The following PKD2 variants were observed in gnomAD, a reference collection of about 807,000 sequenced individuals.
The protein encoded by PKD2 is polycystin 2, transient receptor potential cation channel.
In PKD2, 48 loss-of-function variants were observed where a neutral mutation model predicts 105.9. That is an observed-to-expected ratio of 0.45 (90% confidence interval 0.36 to 0.58). The LOEUF is 0.58. Ranked by LOEUF, PKD2 falls within the 20% of genes least tolerant of loss-of-function variation. The probability of loss-of-function intolerance (pLI) is 0.00; values close to 1 mark genes in which losing one functional copy is unlikely to be tolerated. For missense variants in PKD2, 1,078 were observed against 1,255.3 expected (o/e 0.86, Z 2.13); for synonymous variants, 464 against 481.1 (o/e 0.96, Z 0.46).
chr4:88,007,752 G>T lies in PKD2; in HGVS notation c.19G>T (p.Val7Leu). 1 of 1,203,234 alleles carries T rather than the reference G, an allele frequency of 8.3e-7. No homozygotes were observed. Among genetic ancestry groups the T allele is most frequent in the Non-Finnish European group, 1.0e-6 (1 of 957,770 alleles). The allele number at this position is 1,203,234 out of a possible 1,614,324, so 74.5% of individuals were successfully genotyped here. A position where few individuals can be genotyped will look rare whatever the true frequency, so the allele number is the denominator to read the frequency against. The stretch of plus-strand genomic sequence containing the variant: ...GACCGCGATGGTGAACTCCAGTCGC[G>T]TGCAGCCTCAGCAGCCCGGGGACGC... MVNSSR[V>L]QPQQPGDAKR... The change falls in exon 1 of 15, where the codon GTG (valine) becomes TTG (leucine). Residue 7 changes from valine to leucine, a missense_variant. Around this residue, in one of 2 missense-constraint regions of PKD2, gnomAD observed 210 missense variants for 187.9 expected, o/e 1.12. Coordinates refer to ENST00000237596, the MANE Select transcript of PKD2 (RefSeq NM_000297.4).
intron 9 of PKD2, among the ~76,000 whole-genome samples, chr4:88,061,163 G>A (rs548439153): frequency 2.1e-4 from 32 of 152,240 alleles, no homozygotes; most frequent in African/African-American, 7.5e-4. Context: ...CTTGGAATAA[G>A]CATACAATTC....
chr4:88,034,969 G>A (rs1322988587), intron 2 of PKD2, among the ~76,000 whole-genome samples: 1 of 152,116 alleles, frequency 6.6e-6, no homozygotes. Flanking sequence ...TATAATAAAT[G>A]CATTATAGCA....
At chr4:88,032,042 C>G (rs1727177894) in intron 2 of PKD2, among the ~76,000 whole-genome samples, 1 of 152,066 alleles carries the variant, frequency 6.6e-6, no homozygotes, top group African/African-American at 2.4e-5. Flanking sequence ...TATTTTTTAA[C>G]CAAGATTTAA....
chr4:88,028,492 C>T (rs1160988645), intron 2 of PKD2, among the ~76,000 whole-genome samples: 1 of 152,204 alleles, frequency 6.6e-6, no homozygotes, highest in Non-Finnish European at 1.5e-5. Context: ...GCTCCTCGCC[C>T]TTTCTGATAA....
Position 88,008,252 on chromosome 4 carries a change from G to A in PKD2, c.519G>A (p.Pro173=), listed in dbSNP as rs762929169. 4.1e-5 allele frequency: 60 copies of A among 1,461,088 alleles called. No individual in the cohort carries two copies. Among genetic ancestry groups the A allele is most frequent in the Non-Finnish European group, 5.0e-5 (55 of 1,110,874 alleles). The allele number at this position is 1,461,088 out of a possible 1,614,324, so 90.5% of individuals were successfully genotyped here. Residue 173 remains proline (P), a synonymous_variant, in exon 1 of 15, where the codon CCG becomes CCA. Transcript: ENST00000237596. The part of the protein sequence containing the change: ...PCPSPVGGGD[P]LHRHLPLEGQ... ...CCAGCCCAGTCGGCGGCGGGGACCCGCTGCATCGCCACCTCCCCCTGGAAG... is the reference window on the plus strand; with the variant it reads ...CCAGCCCAGTCGGCGGCGGGGACCCACTGCATCGCCACCTCCCCCTGGAAG...
chr4:88,047,558 C>T (rs1312653568), intron 6 of PKD2, among the ~76,000 whole-genome samples: 1 of 151,992 alleles, frequency 6.6e-6, no homozygotes, highest in East Asian at 1.9e-4. Context: ...GAGACCTTGC[C>T]TCAAAAAGAA....
intron 5 of PKD2, among the ~76,000 whole-genome samples, chr4:88,045,230 C>T (rs955162291): frequency 1.3e-5 from 2 of 152,212 alleles, no homozygotes; most frequent in Non-Finnish European, 2.9e-5. Flanking sequence ...AATGACTTGA[C>T]ACTTGAAGGC....
At chr4:88,056,385 A>T (rs770068495) in intron 8 of PKD2, 118 bp downstream of exon 8, 110 of 670,990 alleles carry the variant, frequency 1.6e-4, no homozygotes, top group Non-Finnish European at 2.6e-4. Context: ...AGTTATTTTA[A>T]GTAAGAATTA....
rs747081424 is a variant in PKD2 at position 88,062,027 on chromosome 4, G to A, written c.2118+23G>A. 1.0e-5 allele frequency: 11 copies of A among 1,091,326 alleles called. No homozygotes were observed. The Admixed American group carries it at 1.9e-4, about 18-fold the overall frequency. 67.6% of individuals were successfully genotyped at this position (1,091,326 alleles called of 1,614,324 possible). ...AAGGTAGGAAAAACCTTAATTCTCA[G>A]AATTCTTCTGTTTCTGACATAAAAT... On this transcript the variant is annotated intron_variant, in intron 10 of 14. Coordinates refer to ENST00000237596, the MANE Select transcript of PKD2 (RefSeq NM_000297.4).
chr4:88,018,718 A>G (rs1356806472), intron 1 of PKD2, among the ~76,000 whole-genome samples: 1 of 152,208 alleles, frequency 6.6e-6, no homozygotes, highest in East Asian at 1.9e-4. Context: ...AGCCAGCCCA[A>G]CGCTTTTTCC....
At chr4:88,030,764 T>C (rs1037736536) in intron 2 of PKD2, among the ~76,000 whole-genome samples, 6 of 152,230 alleles carry the variant, frequency 3.9e-5, no homozygotes, top group African/African-American at 7.2e-5. Context: ...TCACCGCCCT[T>C]GCAGGGATGG....
At chr4:88,065,592 A>AAT in intron 11 of PKD2, 97 bp downstream of exon 11, 1 of 1,233,784 alleles carries the variant, frequency 8.1e-7, no homozygotes, top group Non-Finnish European at 1.2e-6. Context: ...TCATACAGAT[A>AAT]CTTTTTTTTT....
At chr4:88,027,707 A>G (rs951438026) in intron 2 of PKD2, among the ~76,000 whole-genome samples, 3 of 152,146 alleles carry the variant, frequency 2.0e-5, no homozygotes, top group African/African-American at 4.8e-5. Context: ...TCCAATTGTA[A>G]TCCCCATGTG....
Position 88,067,811 on chromosome 4 carries a change from C to A in PKD2, c.2359-87C>A, listed in dbSNP as rs181677068. On this transcript the variant is annotated intron_variant, in intron 12 of 14. Transcript: ENST00000237596. ...AGAAATCCCAGGTAAATGGCATGCA[C>A]CCAGTTCCTGCTTGCCCAAGTCCTT... 3.0e-5 allele frequency: 33 copies of A among 1,109,322 alleles called. No homozygotes were observed. In the East Asian group the frequency reaches 8.1e-4, roughly 27 times the overall value. 68.7% of individuals were successfully genotyped at this position (1,109,322 alleles called of 1,614,324 possible).
intron 2 of PKD2, among the ~76,000 whole-genome samples, chr4:88,020,470 G>C (rs979110010): frequency 2.6e-5 from 4 of 152,030 alleles, no homozygotes; most frequent in Admixed American, 2.0e-4. Flanking sequence ...CCTCTGGTAG[G>C]GGGAGGGGAG....
At chr4:88,016,644 GTAGA>G (rs1306489680) in intron 1 of PKD2, among the ~76,000 whole-genome samples, 2 of 152,126 alleles carry the variant, frequency 1.3e-5, no homozygotes, top group East Asian at 3.9e-4. Flanking sequence ...ATTTGAGGAA[GTAGA>G]TAGAGTAATT....
chr4:88,044,032 G>A (rs1727677489), intron 5 of PKD2, among the ~76,000 whole-genome samples: 1 of 152,104 alleles, frequency 6.6e-6, no homozygotes, highest in African/African-American at 2.4e-5. Context: ...AGATTCCACT[G>A]GCTTGTCTGG....
chr4:88,060,487 G>A (rs562782261), intron 9 of PKD2, among the ~76,000 whole-genome samples: 1 of 150,474 alleles, frequency 6.6e-6, no homozygotes. Context: ...ACACTGTAGT[G>A]TTTTTTGTGG....
chr4:88,018,776 A>C (rs941479149), intron 1 of PKD2, among the ~76,000 whole-genome samples: 2 of 152,216 alleles, frequency 1.3e-5, no homozygotes, highest in African/African-American at 4.8e-5. Flanking sequence ...CTTTCTACAA[A>C]GAAAGAGAGG....
Sources: allele counts gnomAD v4.1 joint callset (sites outside exome capture counted in the v4.1 genomes callset), GRCh38; gene constraint gnomAD v4.1.1; regional missense constraint gnomAD v4.1.1; transcripts MANE v1.5; gene names NCBI Gene and HGNC (gene_info 2026-07-23, HGNC 2026-07-21).